Variants in LINC00305 observed in about 807,000 individuals in gnomAD.
The protein encoded by LINC00305 is long intergenic non-protein coding RNA 305.
chr18:64,135,357 A>C (rs1432200533), intron 1 of LINC00305, among the ~76,000 whole-genome samples: 1 of 152,114 alleles, frequency 6.6e-6, no homozygotes, highest in African/African-American at 2.4e-5. Context: ...ACCCATAATG[A>C]CATCCGACTT....
At chr18:64,123,890 A>G (rs1280837000) in intron 1 of LINC00305, among the ~76,000 whole-genome samples, 1 of 151,900 alleles carries the variant, frequency 6.6e-6, no homozygotes, top group Admixed American at 6.6e-5. Context: ...AAAGATCCTG[A>G]CAGCACCCTC....
chr18:64,101,136 G>A (rs1327768354), intron 1 of LINC00305, among the ~76,000 whole-genome samples: 1 of 152,134 alleles, frequency 6.6e-6, no homozygotes, highest in Non-Finnish European at 1.5e-5. Flanking sequence ...GTTTGTATTT[G>A]ATAACCCCTT....
chr18:64,140,549 G>A (rs182844649), intron 1 of LINC00305, among the ~76,000 whole-genome samples: 40 of 152,206 alleles, frequency 2.6e-4, no homozygotes, highest in African/African-American at 7.0e-4. Context: ...GGTAGAGACC[G>A]TCTAAGTAGT....
At chr18:64,109,109 G>A (rs1457734975) in intron 1 of LINC00305, among the ~76,000 whole-genome samples, 2 of 152,176 alleles carry the variant, frequency 1.3e-5, no homozygotes, top group Non-Finnish European at 2.9e-5. Context: ...TTTCATTTAG[G>A]ATTTGAGAAA....
In LINC00305 at chr18:64,098,503, G is replaced by A. The variant is rs113568167; in HGVS notation, n.378+74C>T. ...TTCTAATTTGGGAAACAAATTATGA[G>A]AAACTCTATAAATAGGGTTAATTTT... is the stretch of plus-strand genomic sequence containing the variant. On this transcript the variant is annotated intron_variant and non_coding_transcript_variant, in intron 2 of 3. Transcript: ENST00000666468. 2.0e-3 allele frequency: 836 copies of A among 421,286 alleles called. 5 individuals are homozygous for A. The highest frequency in any genetic ancestry group is 0.017 in the African/African-American group (792 of 47,600). 26.1% of individuals were successfully genotyped at this position (421,286 alleles called of 1,614,324 possible).
Position 64,114,527 on chromosome 18 carries a change from A to T in LINC00305, n.315-15887T>A, listed in dbSNP as rs568963868. ...TCTCCTTTGGTACTTATTCATAAAA[A>T]TATTCATTTATTTTATGGGTTTTGT... On this transcript the variant is annotated intron_variant and non_coding_transcript_variant, in intron 1 of 3. Transcript: ENST00000666468. 2.6e-5 allele frequency among the ~76,000 whole-genome samples: 4 copies of T among 152,258 alleles called. No homozygotes were observed. The South Asian group carries it at 8.3e-4, about 32-fold the overall frequency.
chr18:64,087,300 T>A (rs2051207034), intron 3 of LINC00305, among the ~76,000 whole-genome samples: 1 of 152,220 alleles, frequency 6.6e-6, no homozygotes, highest in Non-Finnish European at 1.5e-5. Context: ...TCATATTGCA[T>A]AGTTAACATT....
intron 1 of LINC00305, among the ~76,000 whole-genome samples, chr18:64,100,862 G>A (rs2051265423): frequency 6.6e-6 from 1 of 152,088 alleles, no homozygotes; most frequent in African/African-American, 2.4e-5. Context: ...GAAGGCTGCT[G>A]GTGAAGAGTG....
chr18:64,089,475 T>G (rs2051216848), intron 3 of LINC00305, among the ~76,000 whole-genome samples: 1 of 152,158 alleles, frequency 6.6e-6, no homozygotes, highest in South Asian at 2.1e-4. Context: ...CAAACACACA[T>G]GCTGGTTTTT....
chr18:64,126,121 C>A (rs935408920), intron 1 of LINC00305, among the ~76,000 whole-genome samples: 1 of 151,928 alleles, frequency 6.6e-6, no homozygotes, highest in African/African-American at 2.4e-5. Context: ...ATTTTGTTAC[C>A]GCAGCACAAG....
rs947737082 is a variant in LINC00305 at position 64,102,913 on chromosome 18, A to G, written n.315-4273T>C. Reference sequence around the variant, plus strand: ...CCTCCCATTAGGCCCCACCTCCAACATTGGAGATTGCATCTGAACGTGAGA... The same window carrying G: ...CCTCCCATTAGGCCCCACCTCCAACGTTGGAGATTGCATCTGAACGTGAGA... On this transcript the variant is annotated intron_variant and non_coding_transcript_variant, in intron 1 of 3. Coordinates refer to ENST00000666468, the Ensembl canonical transcript of LINC00305. Among the ~76,000 whole-genome samples the G allele has an allele frequency of 7.9e-5, 12 of 152,176 alleles. 1 individual carries two copies. The highest frequency in any genetic ancestry group is 2.2e-4 in the African/African-American group (9 of 41,434).
At chr18:64,124,372 A>T (rs2051375737) in intron 1 of LINC00305, among the ~76,000 whole-genome samples, 1 of 152,016 alleles carries the variant, frequency 6.6e-6, no homozygotes, top group African/African-American at 2.4e-5. Flanking sequence ...AAAGATGACT[A>T]CTCTGTGGTC....
At chr18:64,082,413 C>G (rs2051188517) in intron 3 of LINC00305, among the ~76,000 whole-genome samples, 1 of 152,192 alleles carries the variant, frequency 6.6e-6, no homozygotes, top group Non-Finnish European at 1.5e-5. Context: ...TCAGTCTCCA[C>G]ATTTTTGGGG....
At chr18:64,096,113 T>C (rs896899518) in intron 3 of LINC00305, among the ~76,000 whole-genome samples, 4 of 152,026 alleles carry the variant, frequency 2.6e-5, no homozygotes, top group African/African-American at 9.6e-5. Flanking sequence ...TCATAGATAA[T>C]ATAAGATGAC....
At chr18:64,118,395 T>C (rs2051347196) in intron 1 of LINC00305, among the ~76,000 whole-genome samples, 1 of 152,184 alleles carries the variant, frequency 6.6e-6, no homozygotes. Context: ...ACGTTGTGTC[T>C]ATTTTCCCAA....
At chr18:64,107,622 T>C (rs1177664616) in intron 1 of LINC00305, among the ~76,000 whole-genome samples, 7 of 152,154 alleles carry the variant, frequency 4.6e-5, no homozygotes, top group Admixed American at 3.9e-4. Context: ...GTGGAGGGTT[T>C]AGAGAATAGA....
At chr18:64,113,804 G>C (rs563930438) in intron 1 of LINC00305, among the ~76,000 whole-genome samples, 1 of 152,154 alleles carries the variant, frequency 6.6e-6, no homozygotes, top group African/African-American at 2.4e-5. Flanking sequence ...TCATGGATAC[G>C]GAGAGGCTGC....
At chr18:64,123,550 A>T (rs952420822) in intron 1 of LINC00305, among the ~76,000 whole-genome samples, 2 of 151,998 alleles carry the variant, frequency 1.3e-5, no homozygotes, top group African/African-American at 4.8e-5. Flanking sequence ...GCAGTACCTC[A>T]ATACATATTC....
At position 64,133,691 on chromosome 18, in the gene LINC00305, A is replaced by G. The variant is rs559001023; in HGVS notation, n.314+15084T>C. Among the ~76,000 whole-genome samples the G allele has an allele frequency of 8.5e-5, 13 of 152,186 alleles. No individual in the cohort carries two copies. The South Asian group carries it at 2.3e-3, about 27-fold the overall frequency. On this transcript the variant is annotated intron_variant and non_coding_transcript_variant, in intron 1 of 3. Coordinates refer to ENST00000666468, the Ensembl canonical transcript of LINC00305. ...GCCAGTGATGTTTTTTTCCTTACAT[A>G]CTCCATGGTAAAAATCCTACTTACT...
Sources: gnomAD v4.1 joint callset for allele counts (sites outside exome capture counted in the v4.1 genomes callset) on GRCh38, gnomAD v4.1.1 for gene constraint, MANE v1.5 for transcripts, NCBI Gene and HGNC (gene_info 2026-07-23, HGNC 2026-07-21) for gene names.